The following THEMIS variants were observed in gnomAD, a reference collection of about 807,000 sequenced individuals.
THEMIS encodes protein THEMIS.
THEMIS carries 37 observed loss-of-function variants against 52.6 expected under a neutral mutation model. The observed-to-expected ratio is 0.70, with a 90% CI of 0.54 to 0.93. The LOEUF (loss-of-function observed/expected upper bound fraction) is 0.93, where lower values mean the gene tolerates loss of function less well. Among genes scored for constraint, THEMIS ranks in the 40% least tolerant of loss-of-function variants. The probability of loss-of-function intolerance (pLI) is 0.00; values close to 1 mark genes in which losing one functional copy is unlikely to be tolerated. For synonymous variants in THEMIS, 292 were observed against 272.7 expected, an observed-to-expected ratio of 1.07 and a Z score of -0.70; for missense variants, 808 against 763.1, an observed-to-expected ratio of 1.06 and a Z score of -0.69.
At chr6:127,861,617 T>C (rs1779798650) in intron 1 of THEMIS, among the ~76,000 whole-genome samples, 1 of 151,640 alleles carries the variant, frequency 6.6e-6, no homozygotes, top group Admixed American at 6.6e-5. Flanking sequence ...AACCTGTCTC[T>C]ACTAAAAATA....
In THEMIS at chr6:127,709,894, T is replaced by G. The variant is rs185439930; in HGVS notation, c.*91A>C. ...GAATCAAGTTTCTTCTGGAGTCCAT[T>G]GGGGAATACTCGTTTTTCAGCTAGA... On this transcript the variant is annotated 3_prime_UTR_variant, in exon 6 of 6. Coordinates refer to ENST00000368248, the MANE Select transcript of THEMIS (RefSeq NM_001010923.3). 346 of 1,138,640 alleles carry G rather than the reference T, an allele frequency of 3.0e-4. 1 individual carries two copies. The African/African-American group carries it at 4.7e-3, about 15-fold the overall frequency. The allele number at this position is 1,138,640 out of a possible 1,614,324, so 70.5% of individuals were successfully genotyped here.
At chr6:127,705,680 G>C (rs1583181420), downstream of THEMIS, among the ~76,000 whole-genome samples, 2 of 152,160 alleles carry the variant, frequency 1.3e-5, no homozygotes, top group Non-Finnish European at 2.9e-5. Context: ...CAGAATTTCT[G>C]TTCTCCCAAC....
intron 1 of THEMIS, among the ~76,000 whole-genome samples, chr6:127,867,949 T>G (rs989586726): frequency 6.6e-6 from 1 of 151,972 alleles, no homozygotes; most frequent in Non-Finnish European, 1.5e-5. Flanking sequence ...CACACAATTT[T>G]CTTTCTTCAT....
Position 127,813,110 on chromosome 6 carries a change from T to A in THEMIS, c.1531A>T (p.Met511Leu), listed in dbSNP as rs1777975467. 4 of 1,613,962 alleles carry A rather than the reference T, an allele frequency of 2.5e-6. No homozygotes were observed. Among genetic ancestry groups the A allele is most frequent in the East Asian group, 4.5e-5 (2 of 44,894 alleles). Residue 511 changes from methionine to leucine, a missense_variant, in exon 4 of 6, where the codon ATG becomes TTG. By Grantham distance (15) the Met-to-Leu change is conservative. Transcript: ENST00000368248. ...CWEIPVGRLN[M>L]TVQLVSNFSR... Reference sequence around the variant, plus strand: ...AAATTACTAACTAACTGAACAGTCATATTCAAGCGGCCCACAGGAATTTCC... The same window carrying A: ...AAATTACTAACTAACTGAACAGTCAAATTCAAGCGGCCCACAGGAATTTCC...
At chr6:127,814,278 C>T (rs912483085) in intron 3 of THEMIS, among the ~76,000 whole-genome samples, 5 of 152,080 alleles carry the variant, frequency 3.3e-5, no homozygotes, top group African/African-American at 9.7e-5. Context: ...ATACTTTTAT[C>T]ATCCATAACA....
intron 2 of THEMIS, among the ~76,000 whole-genome samples, chr6:127,834,848 A>G (rs910040164): frequency 3.9e-5 from 6 of 152,144 alleles, no homozygotes; most frequent in African/African-American, 1.4e-4. Context: ...GTTAGCTCTT[A>G]AGATCAAATG....
intron 4 of THEMIS, among the ~76,000 whole-genome samples, chr6:127,779,279 T>C (rs551394274): frequency 6.6e-6 from 1 of 152,154 alleles, no homozygotes; most frequent in Admixed American, 6.5e-5. Flanking sequence ...ATAAAATATA[T>C]CCTTAAATAG....
intron 4 of THEMIS, among the ~76,000 whole-genome samples, chr6:127,767,597 A>G (rs573741930): frequency 1.3e-5 from 2 of 152,130 alleles, no homozygotes; most frequent in African/African-American, 4.8e-5. Context: ...GAAGTTGTCA[A>G]CTCCTTTGGT....
intron 5 of THEMIS, among the ~76,000 whole-genome samples, chr6:127,718,047 T>A (rs554169611): frequency 6.6e-6 from 1 of 151,880 alleles, no homozygotes; most frequent in African/African-American, 2.4e-5. Context: ...GTGAGTCTTT[T>A]TTTTGGAAAT....
intron 1 of THEMIS, among the ~76,000 whole-genome samples, chr6:127,876,838 T>G (rs1192084239): frequency 2.0e-5 from 3 of 152,176 alleles, no homozygotes; most frequent in African/African-American, 7.2e-5. Flanking sequence ...TTAAGATTAT[T>G]ATAATACCCT....
chr6:127,704,056 G>A (rs941777299), downstream of THEMIS, among the ~76,000 whole-genome samples: 6 of 152,054 alleles, frequency 3.9e-5, no homozygotes, highest in Non-Finnish European at 7.4e-5. Context: ...TGAGAATAGA[G>A]CCATCATGAC....
intron 2 of THEMIS, among the ~76,000 whole-genome samples, chr6:127,839,844 G>T (rs1778988865): frequency 6.6e-6 from 1 of 151,974 alleles, no homozygotes; most frequent in South Asian, 2.1e-4. Flanking sequence ...TGACTACAGG[G>T]CATCGTTGAC....
chr6:127,845,917 C>A (rs1229655606), intron 2 of THEMIS, among the ~76,000 whole-genome samples: 1 of 151,854 alleles, frequency 6.6e-6, no homozygotes, highest in East Asian at 1.9e-4. Flanking sequence ...TTTGCATACG[C>A]AAGAAAGACC....
At position 127,721,000 on chromosome 6, in the gene THEMIS, A is replaced by G. The variant is rs1378936308; in HGVS notation, c.1759-1177T>C. Among the ~76,000 whole-genome samples, 11 of 152,090 alleles carry G rather than the reference A, an allele frequency of 7.2e-5. No homozygotes were observed. In the East Asian group the frequency reaches 7.8e-4, roughly 11 times the overall value. ...TCCTACTCTGACTTTTGGCCTATCA[A>G]TGTGGCTTCTTCTGGCCCAATAGGA... On this transcript the variant is annotated intron_variant, in intron 4 of 5. Coordinates refer to ENST00000368248, the MANE Select transcript of THEMIS (RefSeq NM_001010923.3).
chr6:127,700,022 C>A, the THEMIS span, among the ~76,000 whole-genome samples: 1 of 151,612 alleles, frequency 6.6e-6, no homozygotes, highest in African/African-American at 2.4e-5. Flanking sequence ...AGATAAACCA[C>A]CGATCAAGTA....
intron 4 of THEMIS, among the ~76,000 whole-genome samples, chr6:127,799,213 T>G (rs1351164103): frequency 6.6e-6 from 1 of 152,180 alleles, no homozygotes; most frequent in Non-Finnish European, 1.5e-5. Flanking sequence ...TGGTAAGATT[T>G]TCTTTTTAGA....
chr6:127,808,427 T>C (rs2114588387), intron 4 of THEMIS, among the ~76,000 whole-genome samples: 1 of 152,270 alleles, frequency 6.6e-6, no homozygotes, highest in East Asian at 1.9e-4. Context: ...TAGAACACAA[T>C]TTCAGGCCCA....
chr6:127,895,902 T>A (rs1241780339), intron 1 of THEMIS, among the ~76,000 whole-genome samples: 1 of 151,078 alleles, frequency 6.6e-6, no homozygotes, highest in Non-Finnish European at 1.5e-5. Context: ...GGCTAGGATA[T>A]TACAAAAAAA....
chr6:127,773,046 T>C (rs970008190), intron 4 of THEMIS, among the ~76,000 whole-genome samples: 6 of 152,152 alleles, frequency 3.9e-5, no homozygotes, highest in Non-Finnish European at 7.4e-5. Flanking sequence ...TCAAACTAAG[T>C]ACCTAAAGCA....
Sources: allele counts gnomAD v4.1 joint callset (sites outside exome capture counted in the v4.1 genomes callset), GRCh38; gene constraint gnomAD v4.1.1; transcripts MANE v1.5; gene names NCBI Gene and HGNC (gene_info 2026-07-23, HGNC 2026-07-21).